DISP1: variants seen among roughly 807,000 people sequenced by gnomAD.
DISP1 encodes dispatched RND transporter family member 1, also known as protein dispatched homolog 1.
DISP1 carries 30 observed loss-of-function variants against 37.3 expected under a neutral mutation model. The observed-to-expected ratio is 0.80, with a 90% confidence interval of 0.60 to 1.09. The LOEUF is 1.09. Among genes scored for constraint, DISP1 ranks in the 50% least tolerant of loss-of-function variants. DISP1 has a pLI of 0.00. For missense variants in DISP1, 1,598 were observed against 1,879.5 expected, an observed-to-expected ratio of 0.85 and a Z score of 2.77; for synonymous variants, 634 against 690.2, an observed-to-expected ratio of 0.92 and a Z score of 1.28.
chr1:222,957,724 G>A (rs1455049792), intron 3 of DISP1, among the ~76,000 whole-genome samples: 1 of 152,190 alleles, frequency 6.6e-6, no homozygotes, highest in Non-Finnish European at 1.5e-5. Context: ...TAATTAATAA[G>A]AGAAAATGAC....
chr1:222,902,420 A>C (rs1340846864), intron 1 of DISP1, among the ~76,000 whole-genome samples: 5 of 152,228 alleles, frequency 3.3e-5, no homozygotes, highest in African/African-American at 1.2e-4. Flanking sequence ...TAAAACACCA[A>C]AAGCAATGGC....
At chr1:222,950,680 C>T (rs76062517) in intron 3 of DISP1, among the ~76,000 whole-genome samples, 12,739 of 152,048 alleles carry the variant, frequency 0.084, 599 homozygotes, top group South Asian at 0.16. Context: ...CCCCAATCTA[C>T]GTCCTGAACA....
At chr1:222,976,611 A>G (rs947854898) in intron 3 of DISP1, among the ~76,000 whole-genome samples, 2 of 152,018 alleles carry the variant, frequency 1.3e-5, no homozygotes, top group Non-Finnish European at 2.9e-5. Flanking sequence ...TTTTTTTAAC[A>G]TAAAATGAAA....
intron 3 of DISP1, among the ~76,000 whole-genome samples, chr1:222,969,739 A>C (rs1163251881): frequency 6.6e-6 from 1 of 152,030 alleles, no homozygotes; most frequent in Non-Finnish European, 1.5e-5. Flanking sequence ...TATTTAGGCA[A>C]AAAGGAAAAA....
intron 4 of DISP1, among the ~76,000 whole-genome samples, chr1:222,986,020 G>T (rs1379721208): frequency 6.6e-6 from 1 of 152,156 alleles, no homozygotes; most frequent in Non-Finnish European, 1.5e-5. Context: ...AAACAGAAAA[G>T]AATACACCAA....
At chr1:222,871,522 G>A (rs1224333598) in intron 1 of DISP1, among the ~76,000 whole-genome samples, 1 of 152,094 alleles carries the variant, frequency 6.6e-6, no homozygotes, top group African/African-American at 2.4e-5. Flanking sequence ...TTGTAAGTTG[G>A]ATTCCTAGGT....
intron 2 of DISP1, among the ~76,000 whole-genome samples, chr1:222,936,579 C>A (rs1396283374): frequency 1.8e-4 from 3 of 17,080 alleles, no homozygotes; most frequent in South Asian, 8.4e-3. Context: ...TAATATATAT[C>A]ATATATATGA....
At chr1:222,900,022 T>G in intron 1 of DISP1, among the ~76,000 whole-genome samples, 1 of 152,352 alleles carries the variant, frequency 6.6e-6, no homozygotes, top group South Asian at 2.1e-4. Flanking sequence ...AATTTTACTG[T>G]AAAGTTTAAT....
intron 1 of DISP1, among the ~76,000 whole-genome samples, chr1:222,836,542 T>C (rs927271395): frequency 6.6e-6 from 1 of 152,120 alleles, no homozygotes; most frequent in Non-Finnish European, 1.5e-5. Context: ...TGCCCTGTTT[T>C]TCAGTAACTG....
intron 1 of DISP1, among the ~76,000 whole-genome samples, chr1:222,903,253 A>G (rs1222753250): frequency 1.4e-5 from 2 of 139,392 alleles, no homozygotes; most frequent in Non-Finnish European, 3.1e-5. Context: ...AACAACGAGA[A>G]CACATGGACA....
At chr1:222,863,997 G>T (rs928366967) in intron 1 of DISP1, among the ~76,000 whole-genome samples, 1 of 152,192 alleles carries the variant, frequency 6.6e-6, no homozygotes, top group African/African-American at 2.4e-5. Context: ...CAAGATTTAA[G>T]TGCTGAGTGT....
At chr1:222,841,147 T>G (rs1318418279) in intron 1 of DISP1, among the ~76,000 whole-genome samples, 2 of 152,212 alleles carry the variant, frequency 1.3e-5, no homozygotes, top group African/African-American at 2.4e-5. Flanking sequence ...ATTAGTGTAG[T>G]ACATACCTTT....
intron 3 of DISP1, among the ~76,000 whole-genome samples, chr1:222,957,524 G>T (rs1160704240): frequency 6.6e-6 from 1 of 152,156 alleles, no homozygotes; most frequent in East Asian, 1.9e-4. Context: ...AGGAGGTGGA[G>T]GTTGCAGTGA....
At chr1:222,989,888 C>T (rs772121190) in intron 4 of DISP1, among the ~76,000 whole-genome samples, 89 of 151,952 alleles carry the variant, frequency 5.9e-4, no homozygotes, top group Non-Finnish European at 1.2e-3. Context: ...CTGCAACCTC[C>T]ACCTCCCGGG....
intron 3 of DISP1, among the ~76,000 whole-genome samples, chr1:222,969,008 A>T (rs1676715980): frequency 6.6e-6 from 1 of 152,138 alleles, no homozygotes; most frequent in Admixed American, 6.5e-5. Context: ...ATTATTAAGT[A>T]AGTGGAATTG....
At chr1:222,914,771 G>A (rs147698737) in intron 1 of DISP1, among the ~76,000 whole-genome samples, 1,915 of 152,124 alleles carry the variant, frequency 0.013, 38 homozygotes, top group African/African-American at 0.044. Flanking sequence ...ACCAGCCTGG[G>A]CAACACAGCA....
chr1:222,953,837 G>A (rs1675404960), intron 3 of DISP1, among the ~76,000 whole-genome samples: 1 of 152,116 alleles, frequency 6.6e-6, no homozygotes, highest in Admixed American at 6.6e-5. Context: ...ATTTTAGAGT[G>A]TGCTATGCCT....
At chr1:222,828,360 T>C (rs1664934624) in intron 1 of DISP1, among the ~76,000 whole-genome samples, 1 of 152,230 alleles carries the variant, frequency 6.6e-6, no homozygotes, top group South Asian at 2.1e-4. Context: ...AATGTTAATA[T>C]GCATACTTAA....
intron 1 of DISP1, among the ~76,000 whole-genome samples, chr1:222,845,279 C>T (rs35270996): frequency 0.11 from 16,493 of 152,036 alleles, 1,261 homozygotes; most frequent in South Asian, 0.16. Context: ...CATTCAAAAT[C>T]GATTCTTCAT....
Sources: allele counts gnomAD v4.1 joint callset (sites outside exome capture counted in the v4.1 genomes callset), GRCh38; gene constraint gnomAD v4.1.1; transcripts MANE v1.5; gene names NCBI Gene and HGNC (gene_info 2026-07-23, HGNC 2026-07-21).